Variants in TEX15 observed in about 807,000 individuals in gnomAD.
TEX15 encodes the protein testis expressed 15, meiosis and synapsis associated, also known as testis-expressed protein 15.
A neutral mutation model predicts 237.3 loss-of-function variants in TEX15; 171 were observed. The ratio of observed to expected loss-of-function variants is 0.72; its 90% CI spans 0.64 to 0.82. TEX15 has a LOEUF of 0.82. Among genes scored for constraint, TEX15 ranks in the 40% least tolerant of loss-of-function variants. The probability of loss-of-function intolerance (pLI) is 0.00; values close to 1 mark genes in which losing one functional copy is unlikely to be tolerated. For missense variants in TEX15, 3,750 were observed against 3,646.5 expected, an observed-to-expected ratio of 1.03 and a Z score of -0.73; for synonymous variants, 1,338 against 1,269.8, an observed-to-expected ratio of 1.05 and a Z score of -1.14.
intron 1 of TEX15, among the ~76,000 whole-genome samples, chr8:30,909,740 A>G (rs1809180683): frequency 6.6e-6 from 1 of 152,208 alleles, no homozygotes; most frequent in African/African-American, 2.4e-5. Context: ...GTAAATCACC[A>G]CAGAACATCA....
chr8:30,836,638 T>C (rs1310429504), intron 10 of TEX15, among the ~76,000 whole-genome samples, 165 bp downstream of exon 10: 1 of 152,148 alleles, frequency 6.6e-6, no homozygotes, highest in Middle Eastern at 3.2e-3. Context: ...GACAACTAGA[T>C]TTCCACCCTC....
At chr8:30,852,269 C>T (rs895261105) in intron 7 of TEX15, among the ~76,000 whole-genome samples, 2 of 151,786 alleles carry the variant, frequency 1.3e-5, no homozygotes, top group African/African-American at 4.8e-5. Context: ...CCACGCCTGG[C>T]TAATTTTTTG....
rs111655606 is a variant in TEX15 at position 30,845,681 on chromosome 8, C to T, written c.4486G>A (p.Val1496Ile). 6.2e-6 allele frequency: 10 copies of T among 1,613,532 alleles called. No individual in the cohort carries two copies. In the African/African-American group the frequency reaches 8.0e-5, roughly 13 times the overall value. ...CLSRKSMASS[V>I]SKSHPTTSHM... ...CTGGTGGTGGGGTGACTTTTTGAGA[C>T]ACTGCTAGCCATACTTTTCCTAGAA... The change falls in exon 8 of 11, where the codon GTC becomes ATC. Residue 1496 changes from valine to isoleucine, a missense_variant. Physicochemically the swap from Val to Ile is conservative, Grantham distance 29 (BLOSUM62 3). Coordinates refer to ENST00000643185, the MANE Select transcript of TEX15 (RefSeq NM_001350162.2).
intron 1 of TEX15, among the ~76,000 whole-genome samples, chr8:30,902,243 T>C (rs1809023192): frequency 6.6e-6 from 1 of 151,650 alleles, no homozygotes; most frequent in Non-Finnish European, 1.5e-5. Flanking sequence ...TTTTTTTCCT[T>C]AATGTATCAG....
In TEX15 at chr8:30,845,755, TG is replaced by T. The variant is rs762803931; in HGVS notation, c.4411del (p.His1471MetfsTer68). 6.2e-6 allele frequency: 10 copies of T among 1,613,638 alleles called. No homozygotes were observed. The highest frequency in any genetic ancestry group is 8.5e-6 in the Non-Finnish European group (10 of 1,179,626). ...TTTATAAGACTTGTGCTTTGACACA[TG>T]GGTTAATGATTTAGAAATATCAGCT... is the stretch of plus-strand genomic sequence containing the variant. ...PKADISKSLT[H>X]VSKHKSYKTS... is the part of the protein sequence containing the mutation. On this transcript the variant is annotated frameshift_variant, in exon 8 of 11. Coordinates refer to ENST00000643185, the MANE Select transcript of TEX15 (RefSeq NM_001350162.2). LOFTEE classifies it high-confidence loss of function.
rs768967916 is a variant in TEX15, at chr8:30,846,014, C to A, written c.4153G>T (p.Val1385Phe). ...CLSRKLDKAV[V>F]HLKKAHRRVH... Reference sequence around the variant, plus strand: ...CTTCTATGAGCTTTTTTTAAGTGAACAACTGCTTTGTCTAGTTTTCTGGAA... The same window carrying A: ...CTTCTATGAGCTTTTTTTAAGTGAAAAACTGCTTTGTCTAGTTTTCTGGAA... Residue 1385 changes from valine to phenylalanine, a missense_variant, in exon 8 of 11, where the codon GTT (valine) becomes TTT (phenylalanine). Physicochemically the swap from Val to Phe is conservative, Grantham distance 50. Transcript: ENST00000643185. The A allele has an allele frequency of 4.3e-6, 7 of 1,613,006 alleles. No individual in the cohort carries two copies. The South Asian group carries it at 4.4e-5, about 10-fold the overall frequency.
chr8:30,880,388 A>G (rs964174421), intron 3 of TEX15, among the ~76,000 whole-genome samples: 2 of 152,158 alleles, frequency 1.3e-5, no homozygotes, highest in Admixed American at 1.3e-4. Flanking sequence ...GTTCTTTGCT[A>G]GTATTTAAAA....
At chr8:30,901,045 C>A (rs1176489146) in intron 1 of TEX15, among the ~76,000 whole-genome samples, 1 of 151,998 alleles carries the variant, frequency 6.6e-6, no homozygotes, top group Non-Finnish European at 1.5e-5. Context: ...GGCTGAGGTG[C>A]GAGGATAACT....
chr8:30,909,301 A>G (rs1280774770), intron 1 of TEX15, among the ~76,000 whole-genome samples: 1 of 152,068 alleles, frequency 6.6e-6, no homozygotes, highest in Non-Finnish European at 1.5e-5. Flanking sequence ...CTGGGTTTGG[A>G]TAAGGATTTA....
intron 8 of TEX15, among the ~76,000 whole-genome samples, chr8:30,841,289 G>A (rs1230471190): frequency 6.6e-6 from 1 of 152,166 alleles, no homozygotes; most frequent in Non-Finnish European, 1.5e-5. Context: ...ACCTCTTAGA[G>A]CAGTGCTGAG....
Position 30,867,278 on chromosome 8 carries a change from A to G in TEX15, c.527T>C (p.Ile176Thr). Residue 176 changes from isoleucine (I) to threonine (T), a missense_variant, in exon 5 of 11, where the codon ATT becomes ACT. Coordinates refer to ENST00000643185, the MANE Select transcript of TEX15 (RefSeq NM_001350162.2). ...SHSQSITVES[I>T]LIFKVLFGKV... ...TATGATACCTACCTTAAAAATTAAA[A>G]TACTTTCTACAGTAATGCTTTGACT... The G allele has an allele frequency of 6.8e-7, 1 of 1,481,132 alleles. No homozygotes were observed. The highest frequency in any genetic ancestry group is 9.1e-7 in the Non-Finnish European group (1 of 1,098,200). The allele number at this position is 1,481,132 out of a possible 1,614,324, so 91.7% of individuals were successfully genotyped here.
chr8:30,884,919 T>C (rs1173203988), intron 3 of TEX15, among the ~76,000 whole-genome samples: 1 of 152,198 alleles, frequency 6.6e-6, no homozygotes, highest in Non-Finnish European at 1.5e-5. Context: ...TAAACGTAAA[T>C]TACTGATTTT....
chr8:30,892,941 G>A (rs971241224), intron 2 of TEX15, among the ~76,000 whole-genome samples: 3 of 151,248 alleles, frequency 2.0e-5, no homozygotes, highest in African/African-American at 7.3e-5. Flanking sequence ...GCTGAGGCAG[G>A]AGAACAGCGT....
At position 30,843,912 on chromosome 8, in the gene TEX15, G is replaced by A; in HGVS notation, c.6255C>T (p.Phe2085=). The change falls in exon 8 of 11, where the codon TTC becomes TTT. Residue 2085 remains phenylalanine (F), a synonymous_variant. Coordinates refer to ENST00000643185, the MANE Select transcript of TEX15 (RefSeq NM_001350162.2). ...CTAAGTGCCTTTTTTTGTTTTCAATGAATTGAATTGTTTCCATCATCATTT... is the reference window on the plus strand; with the variant it reads ...CTAAGTGCCTTTTTTTGTTTTCAATAAATTGAATTGTTTCCATCATCATTT... ...ELQMMMETIQ[F]IENKKRHLEG... 1 of 1,612,574 alleles carries A rather than the reference G, an allele frequency of 6.2e-7. No individual in the cohort carries two copies. The highest frequency in any genetic ancestry group is 8.5e-7 in the Non-Finnish European group (1 of 1,179,534).
intron 3 of TEX15, among the ~76,000 whole-genome samples, chr8:30,878,366 T>C (rs752066107): frequency 1.3e-5 from 2 of 152,022 alleles, no homozygotes; most frequent in African/African-American, 4.8e-5. Flanking sequence ...CTGGATCATA[T>C]GGCAGTTGCA....
chr8:30,904,440 C>G (rs1251644669), intron 1 of TEX15, among the ~76,000 whole-genome samples: 1 of 124,178 alleles, frequency 8.1e-6, no homozygotes. Flanking sequence ...GAGTGAGACT[C>G]CGTCTCAAAA....
chr8:30,861,137 C>T (rs748754525), intron 5 of TEX15, among the ~76,000 whole-genome samples: 7 of 151,728 alleles, frequency 4.6e-5, no homozygotes, highest in Non-Finnish European at 7.4e-5. Context: ...TTAAAGATAC[C>T]GTTTGAAATA....
chr8:30,891,497 T>C (rs543005080), intron 2 of TEX15, among the ~76,000 whole-genome samples: 2 of 152,096 alleles, frequency 1.3e-5, no homozygotes, highest in Non-Finnish European at 1.5e-5. Context: ...CCTTTTTTTT[T>C]TCGACAATGT....
chr8:30,889,937 A>ATATATATACATATATATATATATATG (rs1373573835), intron 2 of TEX15, among the ~76,000 whole-genome samples: 1 of 124,320 alleles, frequency 8.0e-6, no homozygotes, highest in African/African-American at 3.8e-5. Flanking sequence ...TTATATACAT[A>ATATATATACATATATATATATATATG]TATATATATA....
Sources: gnomAD v4.1 joint callset for allele counts (sites outside exome capture counted in the v4.1 genomes callset) on GRCh38, gnomAD v4.1.1 for gene constraint, MANE v1.5 for transcripts, NCBI Gene and HGNC (gene_info 2026-07-23, HGNC 2026-07-21) for gene names.